Variants in GRIA4 observed in about 807,000 individuals in gnomAD.
GRIA4 encodes glutamate ionotropic receptor AMPA type subunit 4, also known as glutamate receptor 4.
GRIA4 carries 34 observed loss-of-function variants against 104.0 expected under a neutral mutation model. The ratio of observed to expected loss-of-function variants is 0.33; its 90% confidence interval spans 0.25 to 0.44. The LOEUF (loss-of-function observed/expected upper bound fraction) is 0.44, where lower values mean the gene tolerates loss of function less well. GRIA4 is among the 20% of genes least tolerant of loss of function. The pLI, the probability that GRIA4 is intolerant of heterozygous loss-of-function variation, is 1.00. For synonymous variants in GRIA4, 386 were observed against 381.9 expected, an observed-to-expected ratio of 1.01 and a Z score of -0.13; for missense variants, 750 against 1,096.5, an observed-to-expected ratio of 0.68 and a Z score of 4.46.
At chr11:105,627,203 T>C (rs1251896412) in intron 3 of GRIA4, among the ~76,000 whole-genome samples, 1 of 151,984 alleles carries the variant, frequency 6.6e-6, no homozygotes, top group African/African-American at 2.4e-5. Flanking sequence ...ATATTTCAGG[T>C]AGAGAGAACA....
chr11:105,899,194 T>A (rs1946768413), intron 7 of GRIA4, among the ~76,000 whole-genome samples: 1 of 152,206 alleles, frequency 6.6e-6, no homozygotes, highest in African/African-American at 2.4e-5. Context: ...TATTTTCTAA[T>A]TATAATATTT....
rs79495463 is a variant in GRIA4 at position 105,611,049 on chromosome 11, C to G, written c.52C>G (p.Leu18Val). The change falls in exon 2 of 17, where the codon CTC (leucine) becomes GTC (valine). Residue 18 changes from leucine (L) to valine (V), a missense_variant. Coordinates refer to ENST00000282499, the MANE Select transcript of GRIA4 (RefSeq NM_000829.4). ...CTTGTTATTTTCTGGATTTTGGGGA[C>G]TCGCCATGGGAGCCTTTCCGAGCAG... The part of the protein sequence containing the change: ...IVLLFSGFWG[L>V]AMGAFPSSVQ... The G allele has an allele frequency of 2.3e-4, 368 of 1,613,666 alleles. No individual in the cohort carries two copies. In the African/African-American group the frequency reaches 3.7e-3, roughly 16 times the overall value.
intron 5 of GRIA4, among the ~76,000 whole-genome samples, chr11:105,870,235 C>T (rs1945564307): frequency 6.7e-6 from 1 of 150,082 alleles, no homozygotes; most frequent in Admixed American, 6.7e-5. Flanking sequence ...TATTCTAATT[C>T]TTTTAGAAAT....
At chr11:105,964,267 A>C (rs1337555399) in intron 14 of GRIA4, among the ~76,000 whole-genome samples, 1 of 152,180 alleles carries the variant, frequency 6.6e-6, no homozygotes, top group Non-Finnish European at 1.5e-5. Context: ...TAATTATTTA[A>C]TTAGCATTCA....
intron 5 of GRIA4, among the ~76,000 whole-genome samples, chr11:105,874,132 T>C (rs111693359): frequency 6.6e-6 from 1 of 152,330 alleles, no homozygotes; most frequent in East Asian, 1.9e-4. Flanking sequence ...GTTTTCTGCA[T>C]ATGGCTAGCC....
chr11:105,619,921 T>G (rs1444377746), intron 3 of GRIA4, among the ~76,000 whole-genome samples: 2 of 151,886 alleles, frequency 1.3e-5, no homozygotes. Context: ...CTCTACTACC[T>G]TCTTCCTTAA....
At chr11:105,833,225 C>T (rs1009974034) in intron 4 of GRIA4, among the ~76,000 whole-genome samples, 18 of 151,932 alleles carry the variant, frequency 1.2e-4, no homozygotes, top group Admixed American at 1.1e-3. Context: ...TCTTGGGTTA[C>T]GATAGGGTTA....
intron 4 of GRIA4, among the ~76,000 whole-genome samples, chr11:105,765,634 A>G (rs1011920238): frequency 1.3e-5 from 2 of 152,210 alleles, no homozygotes; most frequent in Non-Finnish European, 2.9e-5. Context: ...AAACCTTTAA[A>G]ACAGGGGCCA....
chr11:105,679,842 G>A (rs1307145357), intron 3 of GRIA4, among the ~76,000 whole-genome samples: 1 of 152,084 alleles, frequency 6.6e-6, no homozygotes, highest in Non-Finnish European at 1.5e-5. Flanking sequence ...TCAGCTGGCT[G>A]TAGTTTTCAT....
At chr11:105,700,583 G>A (rs1022013579) in intron 3 of GRIA4, among the ~76,000 whole-genome samples, 3 of 152,210 alleles carry the variant, frequency 2.0e-5, no homozygotes, top group Non-Finnish European at 2.9e-5. Context: ...TTATTTGTCA[G>A]CAGATGTCTA....
chr11:105,812,898 G>A (rs575260218), intron 4 of GRIA4, among the ~76,000 whole-genome samples: 2 of 151,906 alleles, frequency 1.3e-5, no homozygotes, highest in African/African-American at 4.8e-5. Flanking sequence ...TCAGGAGATC[G>A]AGACCATCCC....
intron 3 of GRIA4, among the ~76,000 whole-genome samples, chr11:105,649,140 A>G (rs1951616106): frequency 6.6e-6 from 1 of 152,210 alleles, no homozygotes; most frequent in South Asian, 2.1e-4. Context: ...TAAATAATAT[A>G]TCAAACTTTG....
chr11:105,765,613 G>A (rs1190887251), intron 4 of GRIA4, among the ~76,000 whole-genome samples: 5 of 152,198 alleles, frequency 3.3e-5, no homozygotes, highest in African/African-American at 1.2e-4. Flanking sequence ...GGGTCTGAAG[G>A]TTTTCATTCC....
At chr11:105,932,316 T>C (rs1306866547) in intron 13 of GRIA4, among the ~76,000 whole-genome samples, 3 of 151,954 alleles carry the variant, frequency 2.0e-5, no homozygotes, top group Non-Finnish European at 2.9e-5. Flanking sequence ...TTTTTGTACT[T>C]TTAGTAGACA....
chr11:105,825,432 G>A (rs936024775), intron 4 of GRIA4, among the ~76,000 whole-genome samples: 1 of 152,016 alleles, frequency 6.6e-6, no homozygotes, highest in African/African-American at 2.4e-5. Flanking sequence ...CTGGGTTCAG[G>A]CCAGCTACGT....
At chr11:105,816,318 G>A (rs1005346327) in intron 4 of GRIA4, among the ~76,000 whole-genome samples, 1 of 152,238 alleles carries the variant, frequency 6.6e-6, no homozygotes, top group East Asian at 1.9e-4. Flanking sequence ...AGGGCCTAGT[G>A]GGAGATAATT....
intron 4 of GRIA4, among the ~76,000 whole-genome samples, chr11:105,793,684 C>CCAGA (rs1357020425): frequency 6.6e-6 from 1 of 152,112 alleles, no homozygotes; most frequent in Non-Finnish European, 1.5e-5. Context: ...TTTAGCTCTA[C>CCAGA]CAGACACAGG....
At chr11:105,628,895 T>C (rs1473384889) in intron 3 of GRIA4, among the ~76,000 whole-genome samples, 1 of 152,060 alleles carries the variant, frequency 6.6e-6, no homozygotes, top group Non-Finnish European at 1.5e-5. Flanking sequence ...TATTTTATTT[T>C]CAAAAAAGCA....
intron 3 of GRIA4, among the ~76,000 whole-genome samples, chr11:105,630,799 A>T (rs907412556): frequency 6.6e-6 from 1 of 152,162 alleles, no homozygotes; most frequent in African/African-American, 2.4e-5. Context: ...AGGATCATAA[A>T]GATCATTACT....
Sources: gnomAD v4.1 joint callset for allele counts (sites outside exome capture counted in the v4.1 genomes callset) on GRCh38, gnomAD v4.1.1 for gene constraint, MANE v1.5 for transcripts, NCBI Gene and HGNC (gene_info 2026-07-23, HGNC 2026-07-21) for gene names.